The following CDH4 variants were observed in gnomAD, a reference collection of about 807,000 sequenced individuals.
The protein encoded by CDH4 is cadherin 4, also known as cadherin-4.
In CDH4, 33 loss-of-function variants were observed where a neutral mutation model predicts 86.0. The ratio of observed to expected loss-of-function variants is 0.38; its 90% CI spans 0.29 to 0.51. The LOEUF (loss-of-function observed/expected upper bound fraction) is 0.51, where lower values mean the gene tolerates loss of function less well. CDH4 is among the 20% of genes least tolerant of loss of function. The pLI, the probability that CDH4 is intolerant of heterozygous loss-of-function variation, is 0.86. For missense variants in CDH4, 1,114 were observed against 1,307.4 expected (o/e 0.85, Z 2.28); for synonymous variants, 555 against 549.4 (o/e 1.01, Z -0.14).
chr20:61,485,061 G>A (rs895841244), intron 2 of CDH4, among the ~76,000 whole-genome samples: 4 of 151,964 alleles, frequency 2.6e-5, no homozygotes, highest in African/African-American at 9.7e-5. Context: ...CCTTTCCAAC[G>A]GCAGCTTCAT....
At chr20:61,719,157 A>G (rs1369701707) in intron 2 of CDH4, 1 of 469,484 alleles carries the variant, frequency 2.1e-6, no homozygotes, top group South Asian at 1.6e-5. Context: ...AAAGCCACAC[A>G]TAATTGTCAG....
At chr20:61,743,857 A>T in intron 3 of CDH4, 68 bp downstream of exon 3, 1 of 1,229,218 alleles carries the variant, frequency 8.1e-7, no homozygotes, top group South Asian at 1.3e-5. Flanking sequence ...GGCCCTGGGC[A>T]GAGCCTCTGC....
chr20:61,390,785 T>C (rs1008114001), intron 2 of CDH4, among the ~76,000 whole-genome samples: 1 of 151,078 alleles, frequency 6.6e-6, no homozygotes, highest in Non-Finnish European at 1.5e-5. Flanking sequence ...CTAAATGAGA[T>C]CGTGCAGTCA....
At chr20:61,595,258 T>C (rs535647910) in intron 2 of CDH4, among the ~76,000 whole-genome samples, 1 of 152,380 alleles carries the variant, frequency 6.6e-6, no homozygotes, top group East Asian at 1.9e-4. Context: ...AGCCAAGCCC[T>C]GCTGTGACCT....
intron 2 of CDH4, among the ~76,000 whole-genome samples, chr20:61,381,747 T>G (rs2084902322): frequency 6.6e-6 from 1 of 152,084 alleles, no homozygotes. Flanking sequence ...GAGAAACACT[T>G]TGATCACATG....
rs1204571186 is a variant in CDH4 at position 61,684,293 on chromosome 20, G to A, written c.170-59270G>A. 6.6e-6 allele frequency among the ~76,000 whole-genome samples: 1 copy of A among 152,202 alleles called. No individual in the cohort carries two copies. The highest frequency in any genetic ancestry group is 1.5e-5 in the Non-Finnish European group (1 of 68,028). On this transcript the variant is annotated intron_variant, in intron 2 of 15. Transcript: ENST00000614565. The surrounding 1 kb of genome is among the most constrained non-coding windows in gnomAD (Gnocchi z 4.5). ...GAGGTGCTCAGAGGGTGGCAAAGGG[G>A]CGACCATGCGACTGAGCCCTGTGGG...
At chr20:61,331,306 T>C (rs964712051) in intron 2 of CDH4, among the ~76,000 whole-genome samples, 1 of 152,020 alleles carries the variant, frequency 6.6e-6, no homozygotes, top group Non-Finnish European at 1.5e-5. Flanking sequence ...GTCCTCCCCA[T>C]GGTGGTCAGG....
At chr20:61,578,042 C>T (rs955897830) in intron 2 of CDH4, among the ~76,000 whole-genome samples, 1 of 152,200 alleles carries the variant, frequency 6.6e-6, no homozygotes, top group African/African-American at 2.4e-5. Context: ...AGCCAGGAAA[C>T]CTCTGCCCCT....
At chr20:61,330,393 C>T (rs2084566053) in intron 2 of CDH4, among the ~76,000 whole-genome samples, 1 of 152,180 alleles carries the variant, frequency 6.6e-6, no homozygotes, top group Non-Finnish European at 1.5e-5. Flanking sequence ...TTGTTTGACT[C>T]TAATAATCGC....
intron 2 of CDH4, among the ~76,000 whole-genome samples, chr20:61,734,762 G>T (rs1287132554): frequency 6.6e-6 from 1 of 152,052 alleles, no homozygotes; most frequent in African/African-American, 2.4e-5. Context: ...CTCAGCCTCA[G>T]CAGTTTCTCC....
chr20:61,682,677 C>T (rs1371277384), intron 2 of CDH4, among the ~76,000 whole-genome samples: 2 of 152,180 alleles, frequency 1.3e-5, no homozygotes, highest in East Asian at 3.9e-4. Flanking sequence ...CTGGAGGAAG[C>T]ATGGATTTTA....
chr20:61,682,221 AATGG>A (rs760685413), intron 2 of CDH4, among the ~76,000 whole-genome samples: 7 of 148,340 alleles, frequency 4.7e-5, no homozygotes, highest in African/African-American at 1.7e-4. Context: ...TGGATAGAGA[AATGG>A]ATGGATGGAT....
At chr20:61,577,646 G>A (rs898330927) in intron 2 of CDH4, among the ~76,000 whole-genome samples, 6 of 152,156 alleles carry the variant, frequency 3.9e-5, no homozygotes, top group Non-Finnish European at 7.3e-5. Context: ...AGGATGGGTG[G>A]GTTGGTGGGT....
At chr20:61,916,992 G>A in intron 9 of CDH4, among the ~76,000 whole-genome samples, 1 of 152,192 alleles carries the variant, frequency 6.6e-6, no homozygotes, top group Non-Finnish European at 1.5e-5. Context: ...GCACTCCTGG[G>A]CAACTGTCAG....
chr20:61,525,834 C>G (rs1450876675), intron 2 of CDH4, among the ~76,000 whole-genome samples: 3 of 152,180 alleles, frequency 2.0e-5, no homozygotes, highest in Non-Finnish European at 4.4e-5. Context: ...AGTCTCCCAG[C>G]TGCTGTGGCC....
At position 61,258,055 on chromosome 20, in the gene CDH4, T is replaced by C. The variant is rs576080472; in HGVS notation, c.169+3118T>C. Among the ~76,000 whole-genome samples, 322 of 151,918 alleles carry C rather than the reference T, an allele frequency of 2.1e-3. 2 individuals are homozygous for C. Among genetic ancestry groups the C allele is most frequent in the African/African-American group, 7.4e-3 (305 of 41,448 alleles). ...GTATAGAAAGAGGAGCTTGGCTGGGTGCGGTGGCTCACGCCTGTAATCCCA... is the reference window on the plus strand; with the variant it reads ...GTATAGAAAGAGGAGCTTGGCTGGGCGCGGTGGCTCACGCCTGTAATCCCA... On this transcript the variant is annotated intron_variant, in intron 2 of 15. Coordinates refer to ENST00000614565, the MANE Select transcript of CDH4 (RefSeq NM_001794.5).
intron 2 of CDH4, among the ~76,000 whole-genome samples, chr20:61,565,531 C>T (rs2086291198): frequency 6.6e-6 from 1 of 152,038 alleles, no homozygotes. Flanking sequence ...TCTTCCCTGG[C>T]ATCTAGGTGT....
chr20:61,597,410 C>T (rs956607501), intron 2 of CDH4, among the ~76,000 whole-genome samples: 6 of 152,208 alleles, frequency 3.9e-5, no homozygotes, highest in Non-Finnish European at 7.3e-5. Flanking sequence ...GTCCTCACCA[C>T]CCTCTGCCTG....
Position 61,923,589 on chromosome 20 carries a change from C to A in CDH4, c.1513C>A (p.Pro505Thr). The change falls in exon 10 of 16, where the codon CCC becomes ACC. Residue 505 changes from proline (P) to threonine (T), a missense_variant. By Grantham distance (38) the Pro-to-Thr change is conservative. Coordinates refer to ENST00000614565, the MANE Select transcript of CDH4 (RefSeq NM_001794.5). ...TISIMDINEA[P>T]YFPSNHKLIR... is the part of the protein sequence containing the mutation. ...CTCCATCATGGACATCAACGAGGCT[C>A]CCTACTTCCCCTCAAACCACAAGCT... The A allele has an allele frequency of 6.2e-7, 1 of 1,614,166 alleles. No individual in the cohort carries two copies. The highest frequency in any genetic ancestry group is 8.5e-7 in the Non-Finnish European group (1 of 1,180,028).
Sources: gnomAD v4.1 joint callset for allele counts (sites outside exome capture counted in the v4.1 genomes callset) on GRCh38, gnomAD v4.1.1 for gene constraint, Gnocchi (gnomAD v3.1) non-coding constraint, MANE v1.5 for transcripts, NCBI Gene and HGNC (gene_info 2026-07-23, HGNC 2026-07-21) for gene names.